NUMB: variants seen among roughly 807,000 people sequenced by gnomAD.
NUMB encodes NUMB endocytic adaptor protein.
A neutral mutation model predicts 59.7 loss-of-function variants in NUMB; 29 were observed. That is an observed-to-expected ratio of 0.49 (90% CI 0.36 to 0.66). The LOEUF (loss-of-function observed/expected upper bound fraction) is 0.66, where lower values mean the gene tolerates loss of function less well. Among genes scored for constraint, NUMB ranks in the 30% least tolerant of loss-of-function variants. The pLI is 0.00. For synonymous variants in NUMB, 288 were observed against 288.2 expected (o/e 1.00, Z 0.01); for missense variants, 723 against 822.0 (o/e 0.88, Z 1.47).
chr14:73,406,865 T>C (rs1595000781), intron 2 of NUMB, among the ~76,000 whole-genome samples: 1 of 152,298 alleles, frequency 6.6e-6, no homozygotes, highest in Non-Finnish European at 1.5e-5. Context: ...CATTTTTTCA[T>C]GTGTCTGTTG....
At chr14:73,310,216 G>T (rs1890700297) in intron 6 of NUMB, among the ~76,000 whole-genome samples, 1 of 152,102 alleles carries the variant, frequency 6.6e-6, no homozygotes, top group Non-Finnish European at 1.5e-5. Context: ...GGAGTTGCAG[G>T]GATTGTGGCG....
At chr14:73,442,998 GACT>G (rs1253555698) in intron 1 of NUMB, among the ~76,000 whole-genome samples, 2 of 152,066 alleles carry the variant, frequency 1.3e-5, no homozygotes, top group African/African-American at 4.8e-5. Flanking sequence ...GAGTAGCTGG[GACT>G]ACAAGCACAT....
At chr14:73,411,283 A>G (rs1896884399) in intron 1 of NUMB, among the ~76,000 whole-genome samples, 2 of 152,206 alleles carry the variant, frequency 1.3e-5, no homozygotes, top group African/African-American at 2.4e-5. Context: ...AATGAGTTTT[A>G]CAACTTAGTA....
intron 1 of NUMB, among the ~76,000 whole-genome samples, chr14:73,421,554 G>A (rs1433877529): frequency 1.3e-5 from 2 of 151,994 alleles, no homozygotes; most frequent in Non-Finnish European, 2.9e-5. Flanking sequence ...ATATTATTAC[G>A]GAAATAGACA....
intron 2 of NUMB, among the ~76,000 whole-genome samples, chr14:73,389,205 AG>A (rs1895704379): frequency 7.8e-6 from 1 of 128,774 alleles, no homozygotes; most frequent in African/African-American, 2.8e-5. Context: ...CGGGAGTCTG[AG>A]GTTGCAGTGA....
intron 11 of NUMB, among the ~76,000 whole-genome samples, chr14:73,279,747 C>G (rs541777450): frequency 6.6e-6 from 1 of 152,328 alleles, no homozygotes; most frequent in African/African-American, 2.4e-5. Flanking sequence ...GTCTTAGGAG[C>G]AGCAAAAAAT....
At chr14:73,451,302 T>C (rs8009020) in intron 1 of NUMB, among the ~76,000 whole-genome samples, 32,957 of 151,370 alleles carry the variant, frequency 0.22, 3,889 homozygotes, top group Non-Finnish European at 0.24. Context: ...CCAGGTGTGG[T>C]GGCGTGTGCC....
At chr14:73,414,882 G>A (rs995474580) in intron 1 of NUMB, among the ~76,000 whole-genome samples, 2 of 152,118 alleles carry the variant, frequency 1.3e-5, no homozygotes, top group Admixed American at 6.6e-5. Flanking sequence ...ACCACGCCCA[G>A]CTAATTTTTT....
At chr14:73,387,178 G>A (rs1049985097) in intron 2 of NUMB, among the ~76,000 whole-genome samples, 22 of 151,940 alleles carry the variant, frequency 1.4e-4, no homozygotes, top group Non-Finnish European at 2.8e-4. Flanking sequence ...CACCGCGCCC[G>A]GCCTATCAGG....
chr14:73,352,536 T>G (rs1419325983), intron 4 of NUMB, among the ~76,000 whole-genome samples: 3 of 72,424 alleles, frequency 4.1e-5, no homozygotes, highest in Middle Eastern at 5.8e-3. Context: ...ATATGTTTTT[T>G]TTTTTTTTTT....
chr14:73,334,058 G>T (rs1892149321), intron 4 of NUMB, among the ~76,000 whole-genome samples: 3 of 144,238 alleles, frequency 2.1e-5, no homozygotes, highest in South Asian at 2.2e-4. Context: ...GTGTGTGTGT[G>T]TTTTTTTTTC....
At chr14:73,387,570 A>G (rs955622046) in intron 2 of NUMB, among the ~76,000 whole-genome samples, 2 of 151,898 alleles carry the variant, frequency 1.3e-5, no homozygotes, top group African/African-American at 4.8e-5. Context: ...GCACAACTGT[A>G]AGTTTCCTGA....
chr14:73,454,069 G>C (rs865830367), intron 1 of NUMB, among the ~76,000 whole-genome samples: 63 of 152,122 alleles, frequency 4.1e-4, no homozygotes, highest in African/African-American at 1.3e-3. Context: ...AGTTGGGCGG[G>C]GGGGGAACGG....
At chr14:73,290,699 T>C (rs1889332823) in intron 8 of NUMB, among the ~76,000 whole-genome samples, 1 of 152,234 alleles carries the variant, frequency 6.6e-6, no homozygotes, top group African/African-American at 2.4e-5. Flanking sequence ...TGAGTATCTC[T>C]TTTCTGAAAT....
chr14:73,304,156 G>T (rs1203726129), intron 6 of NUMB, among the ~76,000 whole-genome samples: 1 of 152,088 alleles, frequency 6.6e-6, no homozygotes, highest in East Asian at 1.9e-4. Context: ...AATGGAAAAT[G>T]GCACAGAAAT....
intron 5 of NUMB, among the ~76,000 whole-genome samples, chr14:73,317,456 C>A (rs1891148669): frequency 1.3e-5 from 2 of 152,272 alleles, no homozygotes; most frequent in South Asian, 4.1e-4. Flanking sequence ...TGTGCGCCAC[C>A]ACATCCAGCT....
Position 73,277,082 on chromosome 14 carries a change from C to T in NUMB, c.1452G>A (p.Gly484=), listed in dbSNP as rs770084988. ...CAGGCTGAGAGGTGAGGAATGCATT[C>T]CCTTGGAAAGGTGATGCTGGCTGGG... The part of the protein sequence containing the change: ...AISQPASPFQ[G]NAFLTSQPVP... Residue 484 remains glycine, a synonymous_variant, in exon 13 of 13, where the codon GGG becomes GGA. Coordinates refer to ENST00000555238, the MANE Select transcript of NUMB (RefSeq NM_001005743.2). The T allele has an allele frequency of 1.2e-6, 2 of 1,614,090 alleles. No homozygotes were observed. Among genetic ancestry groups the T allele is most frequent in the Non-Finnish European group, 1.7e-6 (2 of 1,180,038 alleles).
intron 3 of NUMB, among the ~76,000 whole-genome samples, chr14:73,365,915 T>C (rs1216648021): frequency 6.6e-6 from 1 of 152,204 alleles, no homozygotes; most frequent in East Asian, 1.9e-4. Context: ...GTGGTCCCAC[T>C]GGTTCAAAGG....
chr14:73,323,947 G>A (rs549179813), intron 4 of NUMB, among the ~76,000 whole-genome samples: 11 of 152,220 alleles, frequency 7.2e-5, no homozygotes, highest in Admixed American at 2.0e-4. Flanking sequence ...AAAGAACCAA[G>A]GTCTGACCTT....
Sources: allele counts gnomAD v4.1 joint callset (sites outside exome capture counted in the v4.1 genomes callset), GRCh38; gene constraint gnomAD v4.1.1; transcripts MANE v1.5; gene names NCBI Gene and HGNC (gene_info 2026-07-23, HGNC 2026-07-21).